Variants in SUCLG2 observed in about 807,000 individuals in gnomAD.
SUCLG2 encodes the protein succinate-CoA ligase GDP-forming subunit beta, also known as succinate--CoA ligase [GDP-forming] subunit beta, mitochondrial.
A neutral mutation model predicts 47.9 loss-of-function variants in SUCLG2; 42 were observed. That is an observed-to-expected ratio of 0.88 (90% CI 0.69 to 1.14). The LOEUF is 1.14. Among genes scored for constraint, SUCLG2 ranks in the 50% most tolerant of loss-of-function variants. The pLI is 0.00. For synonymous variants in SUCLG2, 195 were observed against 197.3 expected, an observed-to-expected ratio of 0.99 and a Z score of 0.10; for missense variants, 571 against 525.9, an observed-to-expected ratio of 1.09 and a Z score of -0.84.
At chr3:67,592,740 C>A (rs12233606) in intron 2 of SUCLG2, among the ~76,000 whole-genome samples, 7,757 of 50,622 alleles carry the variant, frequency 0.15, 1,109 homozygotes, top group African/African-American at 0.42. Context: ...AAAAAAACAA[C>A]AAAAAAAAAC....
intron 9 of SUCLG2, among the ~76,000 whole-genome samples, chr3:67,418,005 A>T (rs1703073482): frequency 6.6e-6 from 1 of 152,198 alleles, no homozygotes; most frequent in African/African-American, 2.4e-5. Context: ...AGATACAAAG[A>T]TAAATAATAC....
chr3:67,595,615 A>G (rs1296328997), intron 2 of SUCLG2, among the ~76,000 whole-genome samples: 1 of 152,192 alleles, frequency 6.6e-6, no homozygotes, highest in Non-Finnish European at 1.5e-5. Context: ...TTGGAAGCAA[A>G]GGCCACTGAC....
chr3:67,418,582 T>C (rs1703085649), intron 9 of SUCLG2, among the ~76,000 whole-genome samples: 1 of 152,170 alleles, frequency 6.6e-6, no homozygotes, highest in African/African-American at 2.4e-5. Flanking sequence ...TCCAAAATTT[T>C]TCCTTTCTCT....
chr3:67,522,503 A>G (rs1026934822), intron 4 of SUCLG2, among the ~76,000 whole-genome samples: 1 of 152,062 alleles, frequency 6.6e-6, no homozygotes, highest in Non-Finnish European at 1.5e-5. Flanking sequence ...TAAAATGTTG[A>G]TAAGTACTGT....
chr3:67,596,528 G>A (rs1708296590), intron 2 of SUCLG2, among the ~76,000 whole-genome samples: 1 of 152,066 alleles, frequency 6.6e-6, no homozygotes, highest in Admixed American at 6.5e-5. Flanking sequence ...AGTGGAATAG[G>A]CATCCCTTTT....
At chr3:67,554,887 G>A (rs912662721) in intron 2 of SUCLG2, among the ~76,000 whole-genome samples, 7 of 152,132 alleles carry the variant, frequency 4.6e-5, no homozygotes, top group African/African-American at 1.2e-4. Flanking sequence ...CCCCTAGTAC[G>A]TGAGGACAAG....
chr3:67,389,275 G>A (rs917852700), intron 10 of SUCLG2, among the ~76,000 whole-genome samples: 1 of 152,118 alleles, frequency 6.6e-6, no homozygotes, highest in Non-Finnish European at 1.5e-5. Flanking sequence ...GTCAGAAAGG[G>A]AACTCAATAG....
At position 67,654,541 on chromosome 3, in the gene SUCLG2, G is replaced by C. The variant is rs530822934; in HGVS notation, c.46C>G (p.Leu16Val). Residue 16 changes from leucine to valine, a missense_variant, in exon 1 of 11, where the codon CTA (leucine) becomes GTA (valine). Leu to Val is a conservative substitution (Grantham distance 32). Transcript: ENST00000307227. ...GCCAGGAAGCGGGGCCGCAGCGCTA[G>C]GGCTCGCAGAAGCTTCCCGGCCTGC... The part of the protein sequence containing the change: ...AAQAGKLLRA[L>V]ALRPRFLAAG... 11 of 1,265,280 alleles carry C rather than the reference G, an allele frequency of 8.7e-6. No homozygotes were observed. The African/African-American group carries it at 1.1e-4, about 12-fold the overall frequency. 78.4% of individuals were successfully genotyped at this position (1,265,280 alleles called of 1,614,324 possible). A position where few individuals can be genotyped will look rare whatever the true frequency, so the allele number is the denominator to read the frequency against.
At chr3:67,504,090 A>G (rs528331307) in intron 7 of SUCLG2, among the ~76,000 whole-genome samples, 1 of 152,346 alleles carries the variant, frequency 6.6e-6, no homozygotes, top group South Asian at 2.1e-4. Context: ...GTGATAAATA[A>G]CCATAATGTA....
intron 2 of SUCLG2, among the ~76,000 whole-genome samples, chr3:67,579,888 A>G (rs1446024453): frequency 6.6e-6 from 1 of 152,192 alleles, no homozygotes; most frequent in African/African-American, 2.4e-5. Flanking sequence ...AATGGTACCT[A>G]TTATTCTGAG....
chr3:67,383,593 C>T (rs1702204349), intron 10 of SUCLG2, among the ~76,000 whole-genome samples: 1 of 152,120 alleles, frequency 6.6e-6, no homozygotes, highest in Non-Finnish European at 1.5e-5. Context: ...AGCAGGAGCC[C>T]CCAGCTCCAG....
chr3:67,461,964 G>A (rs1190232734), intron 9 of SUCLG2, among the ~76,000 whole-genome samples: 2 of 151,966 alleles, frequency 1.3e-5, no homozygotes, highest in Non-Finnish European at 2.9e-5. Flanking sequence ...ATGCGGGGCC[G>A]GATGATACAA....
At chr3:67,627,039 T>A (rs1036633533) in intron 1 of SUCLG2, among the ~76,000 whole-genome samples, 2 of 151,610 alleles carry the variant, frequency 1.3e-5, no homozygotes, top group Non-Finnish European at 2.9e-5. Flanking sequence ...TAGAGATGGG[T>A]TGAAAGTAGA....
intron 9 of SUCLG2, among the ~76,000 whole-genome samples, chr3:67,418,776 T>TC (rs1703089149): frequency 6.6e-6 from 1 of 152,134 alleles, no homozygotes; most frequent in Admixed American, 6.5e-5. Context: ...AATCTCTGCC[T>TC]CTGTAGAGGT....
At chr3:67,450,295 G>C (rs1286848305) in intron 9 of SUCLG2, among the ~76,000 whole-genome samples, 2 of 152,136 alleles carry the variant, frequency 1.3e-5, no homozygotes, top group Non-Finnish European at 2.9e-5. Flanking sequence ...TGTCACCTCA[G>C]CCTCCTGAGT....
intron 10 of SUCLG2, among the ~76,000 whole-genome samples, chr3:67,386,321 T>C (rs978235346): frequency 6.6e-6 from 1 of 151,564 alleles, no homozygotes; most frequent in South Asian, 2.1e-4. Context: ...ATGGTCTCGA[T>C]CTCCGACCTC....
chr3:67,550,302 T>C (rs1370141049), intron 2 of SUCLG2, among the ~76,000 whole-genome samples: 1 of 152,176 alleles, frequency 6.6e-6, no homozygotes, highest in East Asian at 1.9e-4. Context: ...ACATCTAAGA[T>C]CTATAAACAG....
At chr3:67,576,474 C>T (rs1437850432) in intron 2 of SUCLG2, among the ~76,000 whole-genome samples, 1 of 152,086 alleles carries the variant, frequency 6.6e-6, no homozygotes, top group Non-Finnish European at 1.5e-5. Context: ...AAGTATTTCC[C>T]ATTCACAAGT....
intron 9 of SUCLG2, among the ~76,000 whole-genome samples, chr3:67,433,801 TA>T (rs74541880): frequency 1.4e-3 from 192 of 134,914 alleles, no homozygotes; most frequent in Middle Eastern, 3.6e-3. Flanking sequence ...CGGGATTTAG[TA>T]AAAAAAAAAA....
Sources: allele counts gnomAD v4.1 joint callset (sites outside exome capture counted in the v4.1 genomes callset), GRCh38; gene constraint gnomAD v4.1.1; transcripts MANE v1.5; gene names NCBI Gene and HGNC (gene_info 2026-07-23, HGNC 2026-07-21).